The following SAMHD1 variants were observed in gnomAD, a reference collection of about 807,000 sequenced individuals.
SAMHD1 encodes the protein SAM and HD domain containing deoxynucleoside triphosphate triphosphohydrolase 1.
Under a neutral mutation model 79.6 loss-of-function variants are expected in SAMHD1, and 54 were observed. That is an observed-to-expected ratio of 0.68 (90% CI 0.55 to 0.85). SAMHD1 has a LOEUF of 0.85. Among genes scored for constraint, SAMHD1 ranks in the 40% least tolerant of loss-of-function variants. The pLI is 0.00. For synonymous variants in SAMHD1, 260 were observed against 264.1 expected, an observed-to-expected ratio of 0.98 and a Z score of 0.15; for missense variants, 663 against 782.7, an observed-to-expected ratio of 0.85 and a Z score of 1.82.
intron 1 of SAMHD1, among the ~76,000 whole-genome samples, chr20:36,949,019 C>G (rs926070101): frequency 1.3e-5 from 2 of 151,970 alleles, no homozygotes; most frequent in African/African-American, 4.8e-5. Flanking sequence ...AATCCCAGCA[C>G]TTTGGGAGGC....
chr20:36,951,404 C>G, intron 1 of SAMHD1, 32 bp downstream of exon 1: 1 of 1,611,720 alleles, frequency 6.2e-7, no homozygotes, highest in Non-Finnish European at 8.5e-7. Context: ...AGGTCGCCGC[C>G]CTTCGCCCCT....
At position 36,912,751 on chromosome 20, in the gene SAMHD1, ATTTTTTTTTTTTT is replaced by A. The variant is rs66970329; in HGVS notation, c.1063-212_1063-200del. On this transcript the variant is annotated intron_variant, in intron 9 of 15. Coordinates refer to ENST00000646673, the MANE Select transcript of SAMHD1 (RefSeq NM_015474.4). ...AGCCATTTATTGGCTTGCAACTTTC[ATTTTTTTTTTTTT>A]TTTTTTTTTTTTTAAAAGATGAGGT... Among the ~76,000 whole-genome samples, 16 of 107,038 alleles carry A rather than the reference ATTTTTTTTTTTTT, an allele frequency of 1.5e-4. No individual in the cohort carries two copies. In the South Asian group the frequency reaches 4.9e-3, roughly 33 times the overall value. 70.2% of individuals were successfully genotyped at this position (107,038 alleles called of 152,430 possible). A position where few individuals can be genotyped will look rare whatever the true frequency, so the allele number is the denominator to read the frequency against.
chr20:36,928,684 C>T (rs1230834745), intron 5 of SAMHD1, among the ~76,000 whole-genome samples: 6 of 128,060 alleles, frequency 4.7e-5, no homozygotes, highest in Non-Finnish European at 1.0e-4. Context: ...GATTCTGTCT[C>T]GGGAAAAAAA....
intron 15 of SAMHD1, among the ~76,000 whole-genome samples, chr20:36,896,237 T>G (rs1990196299): frequency 6.6e-6 from 1 of 151,798 alleles, no homozygotes. Flanking sequence ...CTCCCAAAAG[T>G]GCTGGGATTA....
chr20:36,899,257 TAAA>T (rs34443478), intron 13 of SAMHD1, among the ~76,000 whole-genome samples: 1 of 108,602 alleles, frequency 9.2e-6, no homozygotes, highest in Non-Finnish European at 2.0e-5. Context: ...CCAAAAATAC[TAAA>T]AAAAAAAAAA....
intron 2 of SAMHD1, among the ~76,000 whole-genome samples, chr20:36,941,474 G>A (rs1262759706): frequency 1.3e-5 from 2 of 152,110 alleles, no homozygotes; most frequent in Non-Finnish European, 2.9e-5. Context: ...ATTGATTTAT[G>A]AGCACCAGGT....
chr20:36,919,528 A>C lies in SAMHD1; in HGVS notation c.697-9T>G. ...ACTGAGCCTTGTTCATGCTAGGAAA[A>C]GTAAGCACAATATGATGTGTTAAAG... is the stretch of plus-strand genomic sequence containing the variant. On this transcript the variant is annotated splice_polypyrimidine_tract_variant and intron_variant, in intron 6 of 15. Transcript: ENST00000646673. 6.2e-7 allele frequency: 1 copy of C among 1,612,900 alleles called. No individual in the cohort carries two copies. The highest frequency in any genetic ancestry group is 1.3e-5 in the African/African-American group (1 of 75,032).
At chr20:36,904,452 C>T in intron 12 of SAMHD1, 2 of 536,322 alleles carry the variant, frequency 3.7e-6, no homozygotes, top group East Asian at 3.5e-5. Context: ...GGCGCAGTGG[C>T]TCACGTCTAT....
intron 1 of SAMHD1, chr20:36,947,005 G>C (rs1188127282): frequency 1.1e-5 from 5 of 440,174 alleles, no homozygotes; most frequent in Admixed American, 4.0e-5. Context: ...AGCATTTTTT[G>C]ATAAATCACG....
intron 3 of SAMHD1, among the ~76,000 whole-genome samples, chr20:36,936,836 T>C (rs2063607055): frequency 6.6e-6 from 1 of 152,032 alleles, no homozygotes; most frequent in Non-Finnish European, 1.5e-5. Flanking sequence ...AATTTTTCTT[T>C]TTTTGGTAGA....
At chr20:36,933,485 A>G (rs1353816404) in intron 4 of SAMHD1, among the ~76,000 whole-genome samples, 1 of 151,998 alleles carries the variant, frequency 6.6e-6, no homozygotes, top group Non-Finnish European at 1.5e-5. Flanking sequence ...CAACCGACCC[A>G]TTAGCTTTTA....
chr20:36,896,691 C>A (rs1383639247), intron 15 of SAMHD1, among the ~76,000 whole-genome samples: 1 of 151,874 alleles, frequency 6.6e-6, no homozygotes, highest in Non-Finnish European at 1.5e-5. Context: ...AAAATTTAGC[C>A]AGGCATTGTG....
chr20:36,942,400 A>C (rs1352546419), intron 2 of SAMHD1, among the ~76,000 whole-genome samples: 1 of 152,158 alleles, frequency 6.6e-6, no homozygotes, highest in African/African-American at 2.4e-5. Context: ...CCTGGGCAAC[A>C]AGAGCAAAAC....
intron 9 of SAMHD1, among the ~76,000 whole-genome samples, chr20:36,914,419 C>T (rs925449792): frequency 4.0e-5 from 6 of 151,682 alleles, no homozygotes; most frequent in South Asian, 2.1e-4. Flanking sequence ...GGCGCAATCT[C>T]GGCTTACCAC....
chr20:36,927,095 A>T (rs149823003), intron 6 of SAMHD1, 87 bp downstream of exon 6: 1 of 1,144,100 alleles, frequency 8.7e-7, no homozygotes, highest in African/African-American at 1.5e-5. Flanking sequence ...TTTATAACAC[A>T]GTAGTGGAAC....
At chr20:36,905,130 C>T (rs893498774) in intron 12 of SAMHD1, 10 of 524,148 alleles carry the variant, frequency 1.9e-5, no homozygotes, top group Non-Finnish European at 3.1e-5. Flanking sequence ...TTAAGTTAGA[C>T]CTGGCTTTTG....
intron 13 of SAMHD1, among the ~76,000 whole-genome samples, chr20:36,899,482 T>C (rs988194519): frequency 6.6e-6 from 1 of 152,018 alleles, no homozygotes; most frequent in Non-Finnish European, 1.5e-5. Flanking sequence ...CAGCCCTAGA[T>C]TGAAATTCAA....
intron 4 of SAMHD1, 74 bp from the exon 5 acceptor site, chr20:36,930,949 A>T (rs6072746): frequency 2.1e-6 from 2 of 964,098 alleles, no homozygotes; most frequent in East Asian, 2.4e-5. Context: ...CAAGAACTTC[A>T]GTATGTTTCC....
At chr20:36,942,916 A>T (rs1760156301) in intron 2 of SAMHD1, among the ~76,000 whole-genome samples, 1 of 152,108 alleles carries the variant, frequency 6.6e-6, no homozygotes, top group African/African-American at 2.4e-5. Context: ...TCGGCCTCCC[A>T]AAGTGCTGGG....
Sources: gnomAD v4.1 joint callset for allele counts (sites outside exome capture counted in the v4.1 genomes callset) on GRCh38, gnomAD v4.1.1 for gene constraint, MANE v1.5 for transcripts, NCBI Gene and HGNC (gene_info 2026-07-23, HGNC 2026-07-21) for gene names.